CHN1: variants seen among roughly 807,000 people sequenced by gnomAD.
The protein encoded by CHN1 is chimerin 1.
Under a neutral mutation model 59.5 loss-of-function variants are expected in CHN1, and 37 were observed. The observed-to-expected ratio is 0.62, with a 90% CI of 0.48 to 0.82. CHN1 has a LOEUF of 0.82. Ranked by LOEUF, CHN1 falls within the 40% of genes least tolerant of loss-of-function variation. The pLI, the probability that CHN1 is intolerant of heterozygous loss-of-function variation, is 0.00. For synonymous variants in CHN1, 206 were observed against 200.4 expected, an observed-to-expected ratio of 1.03 and a Z score of -0.24; for missense variants, 469 against 571.0, an observed-to-expected ratio of 0.82 and a Z score of 1.82.
At chr2:174,827,993 C>T (rs1050465567) in intron 7 of CHN1, among the ~76,000 whole-genome samples, 2 of 152,138 alleles carry the variant, frequency 1.3e-5, no homozygotes, top group Non-Finnish European at 2.9e-5. Context: ...ATGTTGGAGA[C>T]AGAATCCAGG....
chr2:174,851,859 A>G (rs575865065), intron 6 of CHN1, among the ~76,000 whole-genome samples: 1 of 152,212 alleles, frequency 6.6e-6, no homozygotes, highest in East Asian at 1.9e-4. Flanking sequence ...CTTAAATTAG[A>G]CTCTGGCAAA....
chr2:174,930,541 TG>T (rs921467313), intron 3 of CHN1, among the ~76,000 whole-genome samples: 2 of 152,012 alleles, frequency 1.3e-5, no homozygotes, highest in African/African-American at 4.8e-5. Context: ...GTATGGGGGT[TG>T]GGGGGCAAGT....
intron 1 of CHN1, among the ~76,000 whole-genome samples, chr2:174,965,692 A>T (rs987692804): frequency 2.0e-5 from 3 of 152,204 alleles, no homozygotes; most frequent in Non-Finnish European, 4.4e-5. Context: ...TTCCCTTCAA[A>T]TGAAGAGTCG....
chr2:174,913,715 T>A (rs1457271897), intron 5 of CHN1, among the ~76,000 whole-genome samples: 1 of 152,214 alleles, frequency 6.6e-6, no homozygotes, highest in Non-Finnish European at 1.5e-5. Context: ...ATTGTATTCA[T>A]TCTATTTAAT....
intron 5 of CHN1, among the ~76,000 whole-genome samples, chr2:174,903,051 C>T (rs1688437418): frequency 6.6e-6 from 1 of 152,088 alleles, no homozygotes; most frequent in Non-Finnish European, 1.5e-5. Flanking sequence ...ATTGTATTAC[C>T]CTCTCACAGA....
chr2:174,950,760 C>A (rs958597140), intron 2 of CHN1, among the ~76,000 whole-genome samples: 1 of 151,062 alleles, frequency 6.6e-6, no homozygotes, highest in Non-Finnish European at 1.5e-5. Context: ...AAACTGAAAA[C>A]CAGAAAATGC....
At chr2:174,886,506 G>C (rs1189568491) in intron 5 of CHN1, among the ~76,000 whole-genome samples, 1 of 152,076 alleles carries the variant, frequency 6.6e-6, no homozygotes, top group Non-Finnish European at 1.5e-5. Context: ...TTTATCCACT[G>C]TAAGCTTGGA....
At chr2:174,850,725 C>T (rs1686702644) in intron 6 of CHN1, among the ~76,000 whole-genome samples, 1 of 152,136 alleles carries the variant, frequency 6.6e-6, no homozygotes, top group African/African-American at 2.4e-5. Flanking sequence ...TGTCTCTACC[C>T]AATTACCCAT....
At chr2:175,003,968 CAT>C (rs1245888333) in intron 1 of CHN1, among the ~76,000 whole-genome samples, 2 of 152,192 alleles carry the variant, frequency 1.3e-5, no homozygotes, top group African/African-American at 4.8e-5. Context: ...GATCAAATGA[CAT>C]AATTAAAACT....
At position 174,816,757 on chromosome 2, in the gene CHN1, A is replaced by ATGG. The variant is rs1685280814; in HGVS notation, c.713-4276_713-4275insCCA. ...GCCTTTTGTTATAATTATTGGGAGTAATAAAAGCATATTTATCCATCTTGT... is the reference window on the plus strand; with the variant it reads ...GCCTTTTGTTATAATTATTGGGAGTATGGATAAAAGCATATTTATCCATCTTGT... On this transcript the variant is annotated intron_variant, in intron 8 of 12. Coordinates refer to ENST00000409900, the MANE Select transcript of CHN1 (RefSeq NM_001822.7). Among the ~76,000 whole-genome samples the ATGG allele has an allele frequency of 4.6e-5, 7 of 152,216 alleles. No individual in the cohort carries two copies. The South Asian group carries it at 1.5e-3, about 32-fold the overall frequency.
chr2:174,984,749 C>T (rs1430667285), intron 1 of CHN1, among the ~76,000 whole-genome samples: 1 of 152,142 alleles, frequency 6.6e-6, no homozygotes, highest in Non-Finnish European at 1.5e-5. Flanking sequence ...ACACTAAACC[C>T]TTGACAGAAG....
chr2:174,876,943 A>T (rs1687582713), intron 6 of CHN1, among the ~76,000 whole-genome samples: 1 of 152,196 alleles, frequency 6.6e-6, no homozygotes, highest in South Asian at 2.1e-4. Flanking sequence ...CTTGCACACA[A>T]ATCTTGCATA....
At chr2:174,843,094 CTTGAT>C (rs1476610915) in intron 7 of CHN1, among the ~76,000 whole-genome samples, 2 of 152,142 alleles carry the variant, frequency 1.3e-5, no homozygotes, top group East Asian at 1.9e-4. Context: ...TGTATCTGCT[CTTGAT>C]TTTATTTTAT....
rs150393019 is a variant in CHN1 at position 174,942,844 on chromosome 2, G to A, written c.114+2044C>T. 1.6e-3 allele frequency among the ~76,000 whole-genome samples: 248 copies of A among 152,202 alleles called. 1 individual carries two copies. The highest frequency in any genetic ancestry group is 5.7e-3 in the African/African-American group (236 of 41,540). ...GTGGGTGGATCCCTTGAGCTTAGGC[G>A]TTTGAGACCAGCTTGGGCAACATGG... is the stretch of plus-strand genomic sequence containing the variant. On this transcript the variant is annotated intron_variant, in intron 3 of 12. Transcript: ENST00000409900.
chr2:174,849,719 T>G (rs776374911), intron 6 of CHN1, among the ~76,000 whole-genome samples: 1 of 152,184 alleles, frequency 6.6e-6, no homozygotes, highest in Non-Finnish European at 1.5e-5. Flanking sequence ...AACTAAGCAC[T>G]TTATACATAG....
chr2:174,991,481 G>C (rs373021372), intron 1 of CHN1, among the ~76,000 whole-genome samples: 34 of 152,292 alleles, frequency 2.2e-4, no homozygotes, highest in African/African-American at 7.9e-4. Flanking sequence ...AAAGTTAAAA[G>C]AAGGATAAAG....
intron 8 of CHN1, among the ~76,000 whole-genome samples, chr2:174,819,890 C>A (rs1484078212): frequency 6.9e-6 from 1 of 144,864 alleles, no homozygotes; most frequent in Non-Finnish European, 1.5e-5. Flanking sequence ...GTTCAATTCC[C>A]ATCTATGAGT....
intron 1 of CHN1, among the ~76,000 whole-genome samples, chr2:174,975,808 G>A (rs982639999): frequency 6.6e-6 from 1 of 152,044 alleles, no homozygotes; most frequent in African/African-American, 2.4e-5. Context: ...AGACTTCAAA[G>A]AATGCTGCCC....
At chr2:174,959,703 T>C (rs1268430562) in intron 1 of CHN1, among the ~76,000 whole-genome samples, 1 of 152,146 alleles carries the variant, frequency 6.6e-6, no homozygotes, top group Non-Finnish European at 1.5e-5. Context: ...AAACTGGTGA[T>C]CTAAGGTCAC....
Sources: gnomAD v4.1 joint callset for allele counts (sites outside exome capture counted in the v4.1 genomes callset) on GRCh38, gnomAD v4.1.1 for gene constraint, MANE v1.5 for transcripts, NCBI Gene and HGNC (gene_info 2026-07-23, HGNC 2026-07-21) for gene names.